The following RHOBTB1 variants were observed in gnomAD, a reference collection of about 807,000 sequenced individuals.
The protein encoded by RHOBTB1 is Rho related BTB domain containing 1.
Under a neutral mutation model 71.6 loss-of-function variants are expected in RHOBTB1, and 40 were observed. The ratio of observed to expected loss-of-function variants is 0.56; its 90% confidence interval spans 0.43 to 0.73. RHOBTB1 has a LOEUF of 0.73. Ranked by LOEUF, RHOBTB1 falls within the 30% of genes least tolerant of loss-of-function variation. RHOBTB1 has a pLI of 0.00. For missense variants in RHOBTB1, 797 were observed against 894.0 expected, an observed-to-expected ratio of 0.89 and a Z score of 1.38; for synonymous variants, 319 against 334.9, an observed-to-expected ratio of 0.95 and a Z score of 0.52.
At chr10:60,868,974 C>T (rs1024423969), downstream of RHOBTB1, among the ~76,000 whole-genome samples, 4 of 152,224 alleles carry the variant, frequency 2.6e-5, no homozygotes, top group Non-Finnish European at 5.9e-5. Flanking sequence ...ACTTTCTTCC[C>T]TCTGAGCTTG....
rs1451885794 is a variant in RHOBTB1, at chr10:60,910,740, T to C, written c.296+147A>G. The C allele has an allele frequency of 1.0e-5, 6 of 575,074 alleles. No homozygotes were observed. In the Admixed American group the frequency reaches 1.8e-4, roughly 17 times the overall value. 35.6% of individuals were successfully genotyped at this position (575,074 alleles called of 1,614,324 possible). On this transcript the variant is annotated intron_variant, in intron 4 of 10. Coordinates refer to ENST00000337910, the MANE Select transcript of RHOBTB1 (RefSeq NM_014836.5). ...GACATCAGGAAACAATACCATTTTT[T>C]TTTCTTTTCCTTTTCTTAGACACAG...
At chr10:60,928,768 C>A (rs1281471009) in intron 2 of RHOBTB1, among the ~76,000 whole-genome samples, 2 of 151,870 alleles carry the variant, frequency 1.3e-5, no homozygotes, top group African/African-American at 4.8e-5. Context: ...TTAAAAATAA[C>A]TAAGAGTGAA....
chr10:60,962,420 T>C (rs758018929), intron 2 of RHOBTB1, among the ~76,000 whole-genome samples: 14 of 152,140 alleles, frequency 9.2e-5, no homozygotes, highest in Non-Finnish European at 1.9e-4. Context: ...ACAGTAACCA[T>C]TTACAGGTTT....
intron 2 of RHOBTB1, among the ~76,000 whole-genome samples, chr10:60,922,893 A>G (rs1486338861): frequency 6.6e-6 from 1 of 152,218 alleles, no homozygotes; most frequent in Non-Finnish European, 1.5e-5. Context: ...AGAAGGAGTC[A>G]GGTGAGGGGG....
intron 7 of RHOBTB1, among the ~76,000 whole-genome samples, chr10:60,885,748 G>C (rs535917828): frequency 6.6e-6 from 1 of 152,294 alleles, no homozygotes; most frequent in South Asian, 2.1e-4. Flanking sequence ...TGCTCCTCTT[G>C]TACTTGGTTT....
At chr10:60,982,077 T>A (rs1171080035) in intron 2 of RHOBTB1, among the ~76,000 whole-genome samples, 1 of 152,206 alleles carries the variant, frequency 6.6e-6, no homozygotes. Context: ...GGCCTGTAAG[T>A]TACTTTTTAT....
At chr10:60,955,989 G>A (rs2085578803) in intron 2 of RHOBTB1, among the ~76,000 whole-genome samples, 1 of 152,114 alleles carries the variant, frequency 6.6e-6, no homozygotes, top group African/African-American at 2.4e-5. Flanking sequence ...TTAATAGTCT[G>A]GTAATACAGT....
chr10:60,996,553 G>A (rs557820347), intron 1 of RHOBTB1, among the ~76,000 whole-genome samples: 2 of 149,778 alleles, frequency 1.3e-5, no homozygotes, highest in South Asian at 4.2e-4. Context: ...TGATGTCCCC[G>A]AGAGCTTCGG....
intron 2 of RHOBTB1, among the ~76,000 whole-genome samples, chr10:60,966,949 T>C (rs111941264): frequency 5.3e-5 from 8 of 151,646 alleles, no homozygotes; most frequent in African/African-American, 1.9e-4. Flanking sequence ...GGGATACAAG[T>C]GTAAGCACGA....
chr10:60,866,791 T>C (rs929904763), downstream of RHOBTB1, among the ~76,000 whole-genome samples: 1 of 151,556 alleles, frequency 6.6e-6, no homozygotes, highest in Non-Finnish European at 1.5e-5. Flanking sequence ...TTATTATTAA[T>C]AATAATTATT....
chr10:60,883,463 G>A (rs1760345336), intron 7 of RHOBTB1, among the ~76,000 whole-genome samples: 1 of 152,220 alleles, frequency 6.6e-6, no homozygotes, highest in Non-Finnish European at 1.5e-5. Flanking sequence ...AGCTCTGACA[G>A]TGTCCCTTTG....
chr10:60,982,505 G>A (rs1167725528), intron 2 of RHOBTB1, among the ~76,000 whole-genome samples: 2 of 152,130 alleles, frequency 1.3e-5, no homozygotes, highest in Non-Finnish European at 2.9e-5. Flanking sequence ...TTGGCCAGAT[G>A]ACTCTGTTGT....
At chr10:60,996,600 T>A (rs1465814696) in intron 1 of RHOBTB1, among the ~76,000 whole-genome samples, 1 of 152,058 alleles carries the variant, frequency 6.6e-6, no homozygotes, top group Non-Finnish European at 1.5e-5. Flanking sequence ...GCGAGGGCTG[T>A]TGGAATGTGC....
chr10:60,961,971 A>T (rs996583161), intron 2 of RHOBTB1, among the ~76,000 whole-genome samples: 16 of 151,756 alleles, frequency 1.1e-4, no homozygotes, highest in Non-Finnish European at 2.1e-4. Flanking sequence ...CCACGCCTGG[A>T]TAATTTTTGT....
intron 8 of RHOBTB1, 138 bp from the exon 9 acceptor site, chr10:60,875,180 C>G (rs1716411282): frequency 3.1e-6 from 2 of 646,708 alleles, no homozygotes; most frequent in African/African-American, 1.8e-5. Context: ...TGAATTAAAT[C>G]CAGAAGCTGC....
At chr10:60,907,411 T>C (rs2082732868) in intron 4 of RHOBTB1, among the ~76,000 whole-genome samples, 1 of 152,180 alleles carries the variant, frequency 6.6e-6, no homozygotes, top group African/African-American at 2.4e-5. Context: ...GAGCAGCTGA[T>C]CAAAGTCATG....
intron 1 of RHOBTB1, among the ~76,000 whole-genome samples, chr10:60,988,178 C>T (rs1158477008): frequency 1.3e-5 from 2 of 151,988 alleles, no homozygotes; most frequent in African/African-American, 4.8e-5. Flanking sequence ...TCGTGATCTG[C>T]CCGCCTCGGC....
At chr10:60,895,806 C>A (rs1021030073) in intron 4 of RHOBTB1, among the ~76,000 whole-genome samples, 1 of 152,264 alleles carries the variant, frequency 6.6e-6, no homozygotes, top group Non-Finnish European at 1.5e-5. Flanking sequence ...AAAGATTACA[C>A]AGAATTCTAT....
At chr10:60,925,027 T>C (rs942746995) in intron 2 of RHOBTB1, among the ~76,000 whole-genome samples, 4 of 152,208 alleles carry the variant, frequency 2.6e-5, no homozygotes, top group African/African-American at 9.7e-5. Context: ...TGGTGATAAG[T>C]GAACTCTTGC....
Sources: gnomAD v4.1 joint callset for allele counts (sites outside exome capture counted in the v4.1 genomes callset) on GRCh38, gnomAD v4.1.1 for gene constraint, MANE v1.5 for transcripts, NCBI Gene and HGNC (gene_info 2026-07-23, HGNC 2026-07-21) for gene names.